Variants in COL12A1 observed in about 807,000 individuals in gnomAD.
COL12A1 encodes collagen alpha-1(XII) chain.
In COL12A1, 114 loss-of-function variants were observed where a neutral mutation model predicts 349.7. The observed-to-expected ratio is 0.33, with a 90% CI of 0.28 to 0.38. The LOEUF (loss-of-function observed/expected upper bound fraction) is 0.38. COL12A1 is among the 10% of genes least tolerant of loss of function. The pLI is 1.00. For missense variants in COL12A1, 3,284 were observed against 3,756.9 expected (o/e 0.87, Z 3.29); for synonymous variants, 1,369 against 1,329.0 (o/e 1.03, Z -0.66).
At chr6:75,137,723 T>C in intron 30 of COL12A1, 144 bp from the exon 31 acceptor site, 1 of 884,856 alleles carries the variant, frequency 1.1e-6, no homozygotes, top group Non-Finnish European at 1.7e-6. Context: ...TGGTTATTGA[T>C]TCTTAAATGA....
At position 75,202,867 on chromosome 6, in the gene COL12A1, G is replaced by A; in HGVS notation, c.-35-40C>T. 4.3e-6 allele frequency: 6 copies of A among 1,405,816 alleles called. No homozygotes were observed. The South Asian group carries it at 6.2e-5, about 15-fold the overall frequency. The allele number at this position is 1,405,816 out of a possible 1,614,324, so 87.1% of individuals were successfully genotyped here. The stretch of plus-strand genomic sequence containing the variant: ...AGTGACTGCATCAGAACTGGGTCTG[G>A]GCAGGCCTTGAACCAGGTTAGAACT... On this transcript the variant is annotated intron_variant, in intron 1 of 65. Transcript: ENST00000322507.
chr6:75,125,054 G>GAAATTAAA, intron 40 of COL12A1, 73 bp downstream of exon 40: 1 of 1,415,566 alleles, frequency 7.1e-7, no homozygotes, highest in Non-Finnish European at 9.4e-7. Flanking sequence ...TCAGAAACAG[G>GAAATTAAA]AAATTAAAAC....
chr6:75,137,359 C>A, intron 31 of COL12A1, 78 bp downstream of exon 31: 1 of 1,311,882 alleles, frequency 7.6e-7, no homozygotes, highest in South Asian at 1.4e-5. Context: ...GTATGACTAA[C>A]TAAGCACTGA....
chr6:75,175,079 C>G lies in COL12A1; in HGVS notation c.2669G>C (p.Gly890Ala). 1 of 1,614,154 alleles carries G rather than the reference C, an allele frequency of 6.2e-7. No homozygotes were observed. Among genetic ancestry groups the G allele is most frequent in the African/African-American group, 1.3e-5 (1 of 75,026 alleles). ...ALSVTALYAS[G>A]AGDALFGEGT... is the part of the protein sequence containing the mutation. ...TTCACCAAAGAGGGCGTCTCCAGCCCCAGACGCATACAAGGCTGTCACAGA... is the reference window on the plus strand; with the variant it reads ...TTCACCAAAGAGGGCGTCTCCAGCCGCAGACGCATACAAGGCTGTCACAGA... The change falls in exon 13 of 66, where the codon GGG (glycine) becomes GCG (alanine). Residue 890 changes from glycine to alanine, a missense_variant. Physicochemically the swap from Gly to Ala is moderately conservative, Grantham distance 60 (BLOSUM62 0). This residue lies in a region of COL12A1 where 2,601 missense variants were observed against 2,824.8 expected (regional missense o/e 0.92). Coordinates refer to ENST00000322507, the MANE Select transcript of COL12A1 (RefSeq NM_004370.6).
intron 23 of COL12A1, among the ~76,000 whole-genome samples, chr6:75,147,003 C>G (rs962344465): frequency 1.3e-5 from 2 of 152,118 alleles, no homozygotes. Context: ...TAGAGCCCAA[C>G]CAAGAAGCAA....
chr6:75,098,068 A>C (rs779965699), intron 58 of COL12A1, among the ~76,000 whole-genome samples: 10 of 152,218 alleles, frequency 6.6e-5, no homozygotes, highest in Non-Finnish European at 1.2e-4. Flanking sequence ...TCCTTTACCA[A>C]ATATGCAAAT....
At chr6:75,141,568 T>C (rs1417583761) in intron 27 of COL12A1, among the ~76,000 whole-genome samples, 1 of 152,204 alleles carries the variant, frequency 6.6e-6, no homozygotes, top group East Asian at 1.9e-4. Flanking sequence ...ATCCCATGTA[T>C]TCTCAGTTAA....
rs187571710 is a variant in COL12A1, at chr6:75,163,059, T to C, written c.2983+2448A>G. Among the ~76,000 whole-genome samples the C allele has an allele frequency of 1.3e-3, 197 of 152,338 alleles. 1 individual carries two copies. Among genetic ancestry groups the C allele is most frequent in the African/African-American group, 4.3e-3 (179 of 41,586 alleles). On this transcript the variant is annotated intron_variant, in intron 14 of 65. Coordinates refer to ENST00000322507, the MANE Select transcript of COL12A1 (RefSeq NM_004370.6). ...AGAAATAGGAACGCTTTTACACTGT[T>C]GGTAGCAGTGTAAATTAGTTCAACC...
intron 5 of COL12A1, among the ~76,000 whole-genome samples, chr6:75,190,389 G>A (rs953383251): frequency 1.4e-4 from 21 of 151,928 alleles, no homozygotes; most frequent in South Asian, 4.1e-4. Flanking sequence ...GGCTAAGGGA[G>A]CCTGATAGAA....
chr6:75,203,441 G>A (rs747757717), intron 1 of COL12A1, among the ~76,000 whole-genome samples: 190 of 152,304 alleles, frequency 1.2e-3, no homozygotes, highest in Admixed American at 2.9e-3. Flanking sequence ...TACCTGAGAT[G>A]AGGGAAAAAC....
chr6:75,107,472 T>C (rs774702642), intron 52 of COL12A1, among the ~76,000 whole-genome samples: 3 of 152,110 alleles, frequency 2.0e-5, no homozygotes, highest in Non-Finnish European at 4.4e-5. Flanking sequence ...GGTCTTACCA[T>C]GCTGGCCAAG....
In COL12A1 at chr6:75,086,296, T is replaced by A. The variant is rs745395961; in HGVS notation, c.*251A>T. The stretch of plus-strand genomic sequence containing the variant: ...TCATGGCTGTGTGTTGGAACTTTTT[T>A]AAAATAATGTTTTTCTACATTATTA... On this transcript the variant is annotated 3_prime_UTR_variant, in exon 66 of 66. Coordinates refer to ENST00000322507, the MANE Select transcript of COL12A1 (RefSeq NM_004370.6). 1 of 249,278 alleles carries A rather than the reference T, an allele frequency of 4.0e-6. No individual in the cohort carries two copies. Among genetic ancestry groups the A allele is most frequent in the East Asian group, 7.8e-5 (1 of 12,800 alleles). The allele number at this position is 249,278 out of a possible 1,614,324, so 15.4% of individuals were successfully genotyped here.
chr6:75,200,247 A>G (rs601846), intron 2 of COL12A1, among the ~76,000 whole-genome samples: 133,353 of 152,234 alleles, frequency 0.88, 58,841 homozygotes, highest in Non-Finnish European at 0.93. Flanking sequence ...TCCGACACGG[A>G]AGCAACCAGA....
chr6:75,132,175 G>T, intron 34 of COL12A1, 93 bp from the exon 35 acceptor site: 1 of 1,429,890 alleles, frequency 7.0e-7, no homozygotes, highest in Non-Finnish European at 9.6e-7. Context: ...TCTGTAACAG[G>T]ATAAAATGCT....
At chr6:75,145,186 C>T (rs946299944) in intron 25 of COL12A1, 140 bp downstream of exon 25, 1 of 882,038 alleles carries the variant, frequency 1.1e-6, no homozygotes, top group African/African-American at 1.7e-5. Context: ...GACATTTATT[C>T]TCAAATTTGA....
chr6:75,188,075 A>C (rs535591960), intron 8 of COL12A1, among the ~76,000 whole-genome samples: 1 of 152,252 alleles, frequency 6.6e-6, no homozygotes, highest in South Asian at 2.1e-4. Context: ...ATAGACATTC[A>C]ATGTACACAA....
At chr6:75,111,637 A>C (rs1045018795) in intron 51 of COL12A1, among the ~76,000 whole-genome samples, 1 of 151,962 alleles carries the variant, frequency 6.6e-6, no homozygotes, top group Middle Eastern at 3.4e-3. Flanking sequence ...GAGCCACAAA[A>C]GTTCATCAGA....
chr6:75,180,972 T>C lies in COL12A1; in HGVS notation c.2131A>G (p.Ile711Val), dbSNP rs773755693. Residue 711 changes from isoleucine to valine, a missense_variant, in exon 11 of 66, where the codon ATT becomes GTT. This residue lies in a region of COL12A1 where 2,601 missense variants were observed against 2,824.8 expected (regional missense o/e 0.92). Transcript: ENST00000322507. Reference protein sequence around the residue: ...VTAEYEDGFSIPLAGEETTEE... With the variant: ...VTAEYEDGFSVPLAGEETTEE... The stretch of plus-strand genomic sequence containing the variant: ...GTGGTCTCCTCTCCAGCTAAGGGAA[T>C]GCTGAAGCCATCCTCATACTCCGCA... 7 of 1,614,030 alleles carry C rather than the reference T, an allele frequency of 4.3e-6. No individual in the cohort carries two copies. The highest frequency in any genetic ancestry group is 5.1e-6 in the Non-Finnish European group (6 of 1,179,924).
chr6:75,170,236 A>C (rs1768552577), intron 13 of COL12A1, among the ~76,000 whole-genome samples: 1 of 152,218 alleles, frequency 6.6e-6, no homozygotes, highest in African/African-American at 2.4e-5. Context: ...CATCTTATAG[A>C]TTGTTCCAGC....
Sources: allele counts gnomAD v4.1 joint callset (sites outside exome capture counted in the v4.1 genomes callset), GRCh38; gene constraint gnomAD v4.1.1; regional missense constraint gnomAD v4.1.1; transcripts MANE v1.5; gene names NCBI Gene and HGNC (gene_info 2026-07-23, HGNC 2026-07-21).